CASKIN2: variants seen among roughly 807,000 people sequenced by gnomAD.
CASKIN2 encodes the protein CASK interacting protein 2.
A neutral mutation model predicts 107.1 loss-of-function variants in CASKIN2; 41 were observed. The ratio of observed to expected loss-of-function variants is 0.38; its 90% CI spans 0.30 to 0.50. CASKIN2 has a LOEUF of 0.50. CASKIN2 is among the 20% of genes least tolerant of loss of function. The probability of loss-of-function intolerance (pLI) is 0.92; values close to 1 mark genes in which losing one functional copy is unlikely to be tolerated. For missense variants in CASKIN2, 1,546 were observed against 1,657.4 expected (o/e 0.93, Z 1.17); for synonymous variants, 724 against 705.6 (o/e 1.03, Z -0.41).
chr17:75,504,261 T>C lies in CASKIN2; in HGVS notation c.1421A>G (p.Gln474Arg). ...TGGCCGCACGTCCTGGGTGAAGATCTGCTCCCCAGAGCGGCAGTTGGCCAG... is the reference window on the plus strand; with the variant it reads ...TGGCCGCACGTCCTGGGTGAAGATCCGCTCCCCAGAGCGGCAGTTGGCCAG... Reference protein sequence around the residue: ...RPLANCRSGEQIFTQDVRPEQ... With the variant: ...RPLANCRSGERIFTQDVRPEQ... The change falls in exon 14 of 20, where the codon CAG (glutamine) becomes CGG (arginine). Residue 474 changes from glutamine (Q) to arginine (R), a missense_variant. Physicochemically the swap from Gln to Arg is conservative, Grantham distance 43 (BLOSUM62 1). Transcript: ENST00000321617. The C allele has an allele frequency of 1.2e-6, 2 of 1,606,078 alleles. No individual in the cohort carries two copies. The highest frequency in any genetic ancestry group is 1.7e-6 in the Non-Finnish European group (2 of 1,176,924).
chr17:75,503,236 A>G lies in CASKIN2; in HGVS notation c.1838T>C (p.Met613Thr). Residue 613 changes from methionine (M) to threonine (T), a missense_variant, in exon 18 of 20, where the codon ATG becomes ACG. Transcript: ENST00000321617. The part of the protein sequence containing the change: ...VNKLGHQKKL[M>T]LGVKRLAELR... ...CTCCGCCAGCCGCTTCACCCCCAGC[A>G]TGAGCTTCTTCTGATGCCCTGAGAT... The G allele has an allele frequency of 1.3e-6, 2 of 1,593,356 alleles. No homozygotes were observed.
In CASKIN2 at chr17:75,507,077, C is replaced by T. The variant is rs2053273587; in HGVS notation, c.297G>A (p.Arg99=). 6.2e-7 allele frequency: 1 copy of T among 1,611,786 alleles called. No individual in the cohort carries two copies. The highest frequency in any genetic ancestry group is 8.5e-7 in the Non-Finnish European group (1 of 1,179,618). The part of the protein sequence containing the change: ...AAWQGRLEPV[R]LLLRASAAVN... ...CAGCCGCAGAGGCGCGCAGCAGCAG[C>T]CTCACAGGCTCCAGCCGGCCCTGCC... Residue 99 remains arginine (R), a synonymous_variant, in exon 5 of 20, where the codon AGG becomes AGA. Coordinates refer to ENST00000321617, the MANE Select transcript of CASKIN2 (RefSeq NM_020753.5).
chr17:75,507,065 G>A lies in CASKIN2; in HGVS notation c.309C>T (p.Arg103=), dbSNP rs185406270. ...GRLEPVRLLL[R]ASAAVNAASL... is the part of the protein sequence containing the mutation. ...AGGCGGCATTGACAGCCGCAGAGGC[G>A]CGCAGCAGCAGCCTCACAGGCTCCA... Residue 103 remains arginine (R), a synonymous_variant, in exon 5 of 20, where the codon CGC becomes CGT. Coordinates refer to ENST00000321617, the MANE Select transcript of CASKIN2 (RefSeq NM_020753.5). 45 of 1,612,234 alleles carry A rather than the reference G, an allele frequency of 2.8e-5. No individual in the cohort carries two copies. In the Admixed American group the frequency reaches 3.2e-4, roughly 11 times the overall value.
At position 75,506,236 on chromosome 17, in the gene CASKIN2, C is replaced by A; in HGVS notation, c.726+69G>T. On this transcript the variant is annotated intron_variant, in intron 8 of 19. Transcript: ENST00000321617. This position sits in a 1 kb window ranked among gnomAD's most constrained non-coding sequence, Gnocchi z 4.8. ...GCTGGAGTCCTCCGTCCCGTACCTC[C>A]CCAGCCAGTCAGGGGCACAGGGCAG... is the stretch of plus-strand genomic sequence containing the variant. 1 of 1,380,054 alleles carries A rather than the reference C, an allele frequency of 7.2e-7. No homozygotes were observed. Among genetic ancestry groups the A allele is most frequent in the South Asian group, 1.2e-5 (1 of 84,614 alleles). 85.5% of individuals were successfully genotyped at this position (1,380,054 alleles called of 1,614,324 possible). A position where few individuals can be genotyped will look rare whatever the true frequency, so the allele number is the denominator to read the frequency against.
At chr17:75,512,824 C>G (rs2053325346) in intron 2 of CASKIN2, among the ~76,000 whole-genome samples, 1 of 150,996 alleles carries the variant, frequency 6.6e-6, no homozygotes, top group African/African-American at 2.4e-5. Flanking sequence ...AGCTTGAACC[C>G]GGGAGGCAGA....
rs112206208 is a variant in CASKIN2 at position 75,503,115 on chromosome 17, G to A, written c.1959C>T (p.Asn653=). The change falls in exon 18 of 20, where the codon AAC becomes AAT. Residue 653 remains asparagine, a synonymous_variant. Coordinates refer to ENST00000321617, the MANE Select transcript of CASKIN2 (RefSeq NM_020753.5). ...GGCCAGCTGTAGCTGGGCCTTCTCC[G>A]TTCTCCAGTCCCTCGATGGCCATCA... ...PELMAIEGLE[N]GEGPATAGPR... is the part of the protein sequence containing the mutation. 39,328 of 1,606,872 alleles carry A rather than the reference G, an allele frequency of 0.024. 626 individuals are homozygous for A. The highest frequency in any genetic ancestry group is 0.028 in the Middle Eastern group (152 of 5,466).
Position 75,503,763 on chromosome 17 carries a change from G to C in CASKIN2, c.1579-3C>G. On this transcript the variant is annotated splice_region_variant and splice_polypyrimidine_tract_variant and intron_variant, in intron 15 of 19. Coordinates refer to ENST00000321617, the MANE Select transcript of CASKIN2 (RefSeq NM_020753.5). ...GTCACCCCGATGGCCGTCAGGTCCT[G>C]CCACACAAAGTCTGGCCATCAGGCC... is the stretch of plus-strand genomic sequence containing the variant. 6.2e-7 allele frequency: 1 copy of C among 1,612,346 alleles called. No homozygotes were observed. The highest frequency in any genetic ancestry group is 8.5e-7 in the Non-Finnish European group (1 of 1,179,926).
Position 75,505,860 on chromosome 17 carries a change from T to C in CASKIN2, c.796A>G (p.Thr266Ala). 1.2e-6 allele frequency: 2 copies of C among 1,613,140 alleles called. No individual in the cohort carries two copies. The highest frequency in any genetic ancestry group is 1.7e-6 in the Non-Finnish European group (2 of 1,179,934). The change falls in exon 9 of 20, where the codon ACC becomes GCC. Residue 266 changes from threonine (T) to alanine (A), a missense_variant. By Grantham distance (58) the Thr-to-Ala change is moderately conservative (BLOSUM62 0). Around this residue, in one of 6 missense-constraint regions of CASKIN2, gnomAD observed 1,311 missense variants for 1,311.0 expected, o/e 1.00. Coordinates refer to ENST00000321617, the MANE Select transcript of CASKIN2 (RefSeq NM_020753.5). This position sits in a 1 kb window ranked among gnomAD's most constrained non-coding sequence, Gnocchi z 5.1. ...TALDIVNQFT[T>A]SQASREIKQL... ...TTGATTTCCCGGCTGGCCTGGGAGGTGGTGAACTGATTCACTATGTCCAGC... is the reference window on the plus strand; with the variant it reads ...TTGATTTCCCGGCTGGCCTGGGAGGCGGTGAACTGATTCACTATGTCCAGC...
chr17:75,506,193 C>A lies in CASKIN2; in HGVS notation c.726+112G>T, dbSNP rs970394949. On this transcript the variant is annotated intron_variant, in intron 8 of 19. Coordinates refer to ENST00000321617, the MANE Select transcript of CASKIN2 (RefSeq NM_020753.5). The surrounding 1 kb of genome is among the most constrained non-coding windows in gnomAD (Gnocchi z 4.8). ...GAAGGAAGTCAGGCCTCTTTCCTGA[C>A]GCCCATGCAAAAACCACGCTGGAGT... 1 of 927,176 alleles carries A rather than the reference C, an allele frequency of 1.1e-6. No individual in the cohort carries two copies. The highest frequency in any genetic ancestry group is 1.6e-6 in the Non-Finnish European group (1 of 612,174). 57.4% of individuals were successfully genotyped at this position (927,176 alleles called of 1,614,324 possible). A position where few individuals can be genotyped will look rare whatever the true frequency, so the allele number is the denominator to read the frequency against.
At position 75,507,789 on chromosome 17, in the gene CASKIN2, T is replaced by C. The variant is rs1186140354; in HGVS notation, c.147-108A>G. The C allele has an allele frequency of 7.4e-6, 6 of 815,396 alleles. No individual in the cohort carries two copies. In the Admixed American group the frequency reaches 1.1e-4, roughly 15 times the overall value. 50.5% of individuals were successfully genotyped at this position (815,396 alleles called of 1,614,324 possible). A position where few individuals can be genotyped will look rare whatever the true frequency, so the allele number is the denominator to read the frequency against. On this transcript the variant is annotated intron_variant, in intron 3 of 19. Transcript: ENST00000321617. Reference sequence around the variant, plus strand: ...CTGGGGGCTGGCAGGGATGGGTTACTGGCCCCCCCAACCCCAGCAGCCCTG... The same window carrying C: ...CTGGGGGCTGGCAGGGATGGGTTACCGGCCCCCCCAACCCCAGCAGCCCTG...
intron 2 of CASKIN2, among the ~76,000 whole-genome samples, chr17:75,511,947 G>A (rs923089164): frequency 1.3e-5 from 2 of 152,232 alleles, no homozygotes; most frequent in Non-Finnish European, 2.9e-5. Flanking sequence ...CAACACAGAG[G>A]TGACAGAAGA....
Position 75,502,243 on chromosome 17 carries a change from C to T in CASKIN2, c.2831G>A (p.Gly944Asp). Residue 944 changes from glycine to aspartate, a missense_variant, in exon 18 of 20, where the codon GGC becomes GAC. Transcript: ENST00000321617. The surrounding 1 kb of genome is among the most constrained non-coding windows in gnomAD (Gnocchi z 4.3). ...PGPEGTPPSR[G>D]SSGEGLPFAE... Reference sequence around the variant, plus strand: ...AAACGGCAGCCCTTCCCCAGAGCTGCCCCGAGATGGGGGCGTCCCCTCAGG... The same window carrying T: ...AAACGGCAGCCCTTCCCCAGAGCTGTCCCGAGATGGGGGCGTCCCCTCAGG... 6.4e-7 allele frequency: 1 copy of T among 1,566,474 alleles called. No homozygotes were observed. The highest frequency in any genetic ancestry group is 1.8e-5 in the Admixed American group (1 of 56,800).
chr17:75,504,879 G>A lies in CASKIN2; in HGVS notation c.1125C>T (p.Ala375=), dbSNP rs200413561. The A allele has an allele frequency of 7.4e-6, 12 of 1,611,098 alleles. No individual in the cohort carries two copies. Among genetic ancestry groups the A allele is most frequent in the African/African-American group, 2.7e-5 (2 of 74,950 alleles). The change falls in exon 11 of 20, where the codon GCC becomes GCT. Residue 375 remains alanine (A), a synonymous_variant. Coordinates refer to ENST00000321617, the MANE Select transcript of CASKIN2 (RefSeq NM_020753.5). Reference sequence around the variant, plus strand: ...AGGTAAGAGGGTGCGGGGGTTCTTCGGCAGGAGGCTGCGGTGTCCGGGAGA... The same window carrying A: ...AGGTAAGAGGGTGCGGGGGTTCTTCAGCAGGAGGCTGCGGTGTCCGGGAGA... ...PGFSRTPQPP[A]EEPPHPLTYS...
chr17:75,508,046 CG>C (rs1555642307), intron 3 of CASKIN2, among the ~76,000 whole-genome samples, 187 bp downstream of exon 3: 1 of 152,134 alleles, frequency 6.6e-6, no homozygotes, highest in Non-Finnish European at 1.5e-5. Context: ...GCTAACTCCA[CG>C]GGCGGGCGGG....
At chr17:75,512,812 A>C (rs1365366246) in intron 2 of CASKIN2, among the ~76,000 whole-genome samples, 1 of 151,752 alleles carries the variant, frequency 6.6e-6, no homozygotes, top group African/African-American at 2.4e-5. Flanking sequence ...AGGCAGAAGA[A>C]TAGCTTGAAC....
In CASKIN2 at chr17:75,505,839, T is replaced by C. The variant is rs762757348; in HGVS notation, c.817A>G (p.Ile273Val). Residue 273 changes from isoleucine to valine, a missense_variant, in exon 9 of 20, where the codon ATC becomes GTC. Transcript: ENST00000321617. This position sits in a 1 kb window ranked among gnomAD's most constrained non-coding sequence, Gnocchi z 5.1. Reference sequence around the variant, plus strand: ...CACTCACCCCGCAGTAGCTGCTTGATTTCCCGGCTGGCCTGGGAGGTGGTG... The same window carrying C: ...CACTCACCCCGCAGTAGCTGCTTGACTTCCCGGCTGGCCTGGGAGGTGGTG... The part of the protein sequence containing the change: ...QFTTSQASRE[I>V]KQLLREASGI... The C allele has an allele frequency of 9.3e-6, 15 of 1,613,186 alleles. No individual in the cohort carries two copies. Among genetic ancestry groups the C allele is most frequent in the Non-Finnish European group, 1.3e-5 (15 of 1,179,924 alleles).
intron 2 of CASKIN2, among the ~76,000 whole-genome samples, chr17:75,512,561 C>A (rs928817898): frequency 6.6e-6 from 1 of 152,160 alleles, no homozygotes; most frequent in African/African-American, 2.4e-5. Flanking sequence ...GAAACTTTAG[C>A]AACTTGTTAG....
rs1316130447 is a variant in CASKIN2 at position 75,504,446 on chromosome 17, G to A, written c.1349C>T (p.Pro450Leu). 4 of 1,607,640 alleles carry A rather than the reference G, an allele frequency of 2.5e-6. No homozygotes were observed. The African/African-American group carries it at 5.3e-5, about 21-fold the overall frequency. ...TGCCAGGGACGGCGGGTGGAGTCCT[G>A]GCAGCACCTGGTCCTCTCCAGCAGA... is the stretch of plus-strand genomic sequence containing the variant. The part of the protein sequence containing the change: ...LPSAGEDQVL[P>L]GLHPPSLADN... Residue 450 changes from proline (P) to leucine (L), a missense_variant, in exon 13 of 20, where the codon CCA (proline) becomes CTA (leucine). By Grantham distance (98) the Pro-to-Leu change is moderately conservative. Transcript: ENST00000321617.
Position 75,505,668 on chromosome 17 carries a change from G to A in CASKIN2, c.836-17C>T. On this transcript the variant is annotated splice_polypyrimidine_tract_variant and intron_variant, in intron 9 of 19. Coordinates refer to ENST00000321617, the MANE Select transcript of CASKIN2 (RefSeq NM_020753.5). The surrounding 1 kb of genome is among the most constrained non-coding windows in gnomAD (Gnocchi z 5.1). ...CTGAGGCCTCTAAGAAAACGGGGTG[G>A]GGGACAGGTGTCATCTAAGGGTCCT... 6.2e-7 allele frequency: 1 copy of A among 1,609,646 alleles called. No individual in the cohort carries two copies. Among genetic ancestry groups the A allele is most frequent in the African/African-American group, 1.3e-5 (1 of 74,884 alleles).
Sources: allele counts gnomAD v4.1 joint callset (sites outside exome capture counted in the v4.1 genomes callset), GRCh38; gene constraint gnomAD v4.1.1; regional missense constraint gnomAD v4.1.1; non-coding constraint Gnocchi (gnomAD v3.1); transcripts MANE v1.5; gene names NCBI Gene and HGNC (gene_info 2026-07-23, HGNC 2026-07-21).